Variants in SRC observed in about 807,000 individuals in gnomAD.
SRC encodes SRC proto-oncogene, non-receptor tyrosine kinase.
In SRC, 13 loss-of-function variants were observed where a neutral mutation model predicts 62.9. That is an observed-to-expected ratio of 0.21 (90% CI 0.13 to 0.33). SRC has a LOEUF of 0.33. Ranked by LOEUF, SRC falls within the 10% of genes least tolerant of loss-of-function variation. The pLI, the probability that SRC is intolerant of heterozygous loss-of-function variation, is 1.00. For synonymous variants in SRC, 302 were observed against 317.5 expected (o/e 0.95, Z 0.52); for missense variants, 457 against 737.3 (o/e 0.62, Z 4.40).
rs2070671049 is a variant in SRC at position 37,397,497 on chromosome 20, T to A, written c.704-202T>A. The stretch of plus-strand genomic sequence containing the variant: ...TCTGCTGAATGACTGACTGAATGAC[T>A]GACTCAGCAGATGCATAAAGCACTG... On this transcript the variant is annotated intron_variant, in intron 8 of 13. Coordinates refer to ENST00000373578, the MANE Select transcript of SRC (RefSeq NM_198291.3). This position sits in a 1 kb window ranked among gnomAD's most constrained non-coding sequence, Gnocchi z 4.1. 6.6e-6 allele frequency among the ~76,000 whole-genome samples: 1 copy of A among 152,222 alleles called. No homozygotes were observed. Among genetic ancestry groups the A allele is most frequent in the Admixed American group, 6.5e-5 (1 of 15,288 alleles).
rs1200561632 is a variant in SRC at position 37,384,825 on chromosome 20, G to A, written c.250+422G>A. Among the ~76,000 whole-genome samples, 1 of 152,204 alleles carries A rather than the reference G, an allele frequency of 6.6e-6. No homozygotes were observed. The highest frequency in any genetic ancestry group is 1.5e-5 in the Non-Finnish European group (1 of 68,022). ...GGGGAACGGGGCACCGGATGGCCCC[G>A]GTTGGGCCCGCGCCAGGATGCGCCC... On this transcript the variant is annotated intron_variant, in intron 4 of 13. Coordinates refer to ENST00000373578, the MANE Select transcript of SRC (RefSeq NM_198291.3). The surrounding 1 kb of genome is among the most constrained non-coding windows in gnomAD (Gnocchi z 6.7).
intron 2 of SRC, among the ~76,000 whole-genome samples, chr20:37,379,975 A>T (rs1288232980): frequency 1.3e-5 from 2 of 149,460 alleles, no homozygotes; most frequent in South Asian, 4.2e-4. Context: ...AAAGGAAAAG[A>T]AAAAAGAAAA....
rs766810850 is a variant in SRC at position 37,396,190 on chromosome 20, C to T, written c.582C>T (p.Phe194=). The stretch of plus-strand genomic sequence containing the variant: ...CCTACTGCCTCTCAGTGTCTGACTT[C>T]GACAACGCCAAGGGCCTCAACGTGA... ...KGAYCLSVSD[F]DNAKGLNVKH... is the part of the protein sequence containing the mutation. Residue 194 remains phenylalanine, a synonymous_variant, in exon 8 of 14, where the codon TTC becomes TTT. Coordinates refer to ENST00000373578, the MANE Select transcript of SRC (RefSeq NM_198291.3). This position sits in a 1 kb window ranked among gnomAD's most constrained non-coding sequence, Gnocchi z 6.1. 17 of 1,613,736 alleles carry T rather than the reference C, an allele frequency of 1.1e-5. No individual in the cohort carries two copies. The highest frequency in any genetic ancestry group is 2.2e-5 in the South Asian group (2 of 91,076).
At chr20:37,354,797 C>T (rs2069856514) in intron 1 of SRC, among the ~76,000 whole-genome samples, 1 of 152,230 alleles carries the variant, frequency 6.6e-6, no homozygotes, top group South Asian at 2.1e-4. Context: ...CCTGCCTTTG[C>T]TGCCGCGTGC....
At chr20:37,380,553 T>C (rs889478946) in intron 2 of SRC, among the ~76,000 whole-genome samples, 3 of 152,236 alleles carry the variant, frequency 2.0e-5, no homozygotes, top group Non-Finnish European at 4.4e-5. Flanking sequence ...TGATATTTAG[T>C]CTTTTCAGTG....
At position 37,396,266 on chromosome 20, in the gene SRC, C is replaced by G; in HGVS notation, c.658C>G (p.Arg220Gly). 6.2e-7 allele frequency: 1 copy of G among 1,613,884 alleles called. No homozygotes were observed. The highest frequency in any genetic ancestry group is 8.5e-7 in the Non-Finnish European group (1 of 1,179,970). ...CAGCGGCGGCTTCTACATCACCTCC[C>G]GCACCCAGTTCAACAGCCTGCAGCA... is the stretch of plus-strand genomic sequence containing the variant. ...LDSGGFYITS[R>G]TQFNSLQQLV... The change falls in exon 8 of 14, where the codon CGC becomes GGC. Residue 220 changes from arginine (R) to glycine (G), a missense_variant. Transcript: ENST00000373578. The surrounding 1 kb of genome is among the most constrained non-coding windows in gnomAD (Gnocchi z 6.1).
chr20:37,373,137 C>T (rs1465228175), intron 2 of SRC, among the ~76,000 whole-genome samples: 2 of 140,414 alleles, frequency 1.4e-5, no homozygotes, highest in Non-Finnish European at 3.0e-5. Flanking sequence ...CATATATACA[C>T]ATATGTACAT....
At chr20:37,362,789 T>A (rs1417443337) in intron 1 of SRC, among the ~76,000 whole-genome samples, 1 of 152,178 alleles carries the variant, frequency 6.6e-6, no homozygotes, top group African/African-American at 2.4e-5. Flanking sequence ...CCCTAGATGC[T>A]GTCTCCTTCT....
chr20:37,368,761 C>G (rs1173842594), intron 2 of SRC, among the ~76,000 whole-genome samples: 1 of 151,500 alleles, frequency 6.6e-6, no homozygotes, highest in African/African-American at 2.4e-5. Flanking sequence ...CCGTTTTAGC[C>G]GGGATGGTCT....
chr20:37,350,527 C>T (rs991908772), intron 1 of SRC, among the ~76,000 whole-genome samples: 1 of 152,170 alleles, frequency 6.6e-6, no homozygotes, highest in Non-Finnish European at 1.5e-5. Flanking sequence ...GGGAGGGAGA[C>T]CCAGTAGAGG....
chr20:37,384,252 C>A lies in SRC; in HGVS notation c.99C>A (p.Pro33=), dbSNP rs780787481. 6.4e-7 allele frequency: 1 copy of A among 1,563,958 alleles called. No individual in the cohort carries two copies. The highest frequency in any genetic ancestry group is 8.6e-7 in the Non-Finnish European group (1 of 1,163,708). Residue 33 remains proline, a synonymous_variant, in exon 4 of 14, where the codon CCC becomes CCA. Coordinates refer to ENST00000373578, the MANE Select transcript of SRC (RefSeq NM_198291.3). The surrounding 1 kb of genome is among the most constrained non-coding windows in gnomAD (Gnocchi z 6.7). ...NVHGAGGGAF[P]ASQTPSKPAS... Reference sequence around the variant, plus strand: ...ACGGCGCTGGCGGGGGCGCTTTCCCCGCCTCGCAGACCCCCAGCAAGCCAG... The same window carrying A: ...ACGGCGCTGGCGGGGGCGCTTTCCCAGCCTCGCAGACCCCCAGCAAGCCAG...
At chr20:37,354,012 C>A (rs559869103) in intron 1 of SRC, among the ~76,000 whole-genome samples, 1 of 152,202 alleles carries the variant, frequency 6.6e-6, no homozygotes, top group African/African-American at 2.4e-5. Context: ...ACGCCCTCAG[C>A]AATGCCAGCA....
At position 37,390,488 on chromosome 20, in the gene SRC, T is replaced by C. The variant is rs141078144; in HGVS notation, c.351-3407T>C. Among the ~76,000 whole-genome samples the C allele has an allele frequency of 6.8e-3, 1,020 of 150,246 alleles. 11 individuals are homozygous for C. Among genetic ancestry groups the C allele is most frequent in the African/African-American group, 0.023 (932 of 40,818 alleles). Reference sequence around the variant, plus strand: ...TCTTGGCTTACTGCAATCTCTACCTTCTGGGTTCAAGTGATTCTCCTGCCT... The same window carrying C: ...TCTTGGCTTACTGCAATCTCTACCTCCTGGGTTCAAGTGATTCTCCTGCCT... On this transcript the variant is annotated intron_variant, in intron 5 of 13. Transcript: ENST00000373578.
intron 2 of SRC, among the ~76,000 whole-genome samples, chr20:37,368,306 T>C (rs183071281): frequency 1.3e-3 from 194 of 151,966 alleles, no homozygotes; most frequent in East Asian, 2.8e-3. Context: ...TGATCCCAGC[T>C]ACTCAGGAGG....
intron 2 of SRC, among the ~76,000 whole-genome samples, chr20:37,374,814 A>T (rs1243284137): frequency 6.6e-6 from 1 of 151,736 alleles, no homozygotes; most frequent in Non-Finnish European, 1.5e-5. Context: ...ACCTCAGGTG[A>T]TCCACCCGCC....
intron 2 of SRC, among the ~76,000 whole-genome samples, chr20:37,376,505 A>G (rs1469172688): frequency 6.6e-6 from 1 of 152,132 alleles, no homozygotes; most frequent in Non-Finnish European, 1.5e-5. Context: ...ACCTGTATAT[A>G]TATATACATA....
At chr20:37,394,899 T>A (rs986095386) in intron 7 of SRC, among the ~76,000 whole-genome samples, 3 of 152,116 alleles carry the variant, frequency 2.0e-5, no homozygotes, top group Non-Finnish European at 4.4e-5. Context: ...GTGTGCATGC[T>A]GTGTGTACAT....
At chr20:37,386,972 A>G (rs1248940876) in intron 5 of SRC, among the ~76,000 whole-genome samples, 4 of 152,246 alleles carry the variant, frequency 2.6e-5, no homozygotes, top group African/African-American at 9.6e-5. Flanking sequence ...GAGAGGGTCA[A>G]GGGCCTCGAA....
chr20:37,400,384 C>A, intron 10 of SRC, 90 bp downstream of exon 10: 1 of 1,249,696 alleles, frequency 8.0e-7, no homozygotes, highest in South Asian at 1.6e-5. Context: ...CTAGAATGGG[C>A]ATCTTCAAAG....
Sources: gnomAD v4.1 joint callset for allele counts (sites outside exome capture counted in the v4.1 genomes callset) on GRCh38, gnomAD v4.1.1 for gene constraint, Gnocchi (gnomAD v3.1) non-coding constraint, MANE v1.5 for transcripts, NCBI Gene and HGNC (gene_info 2026-07-23, HGNC 2026-07-21) for gene names.